Variants in KLF8 observed in about 807,000 individuals in gnomAD.
The protein encoded by KLF8 is Krueppel-like factor 8.
A neutral mutation model predicts 18.2 loss-of-function variants in KLF8; 10 were observed. The ratio of observed to expected loss-of-function variants is 0.55; its 90% CI spans 0.34 to 0.93. The LOEUF (loss-of-function observed/expected upper bound fraction) is 0.93. KLF8 is among the 40% of genes least tolerant of loss of function. The probability of loss-of-function intolerance (pLI) is 0.02; values close to 1 mark genes in which losing one functional copy is unlikely to be tolerated. For missense variants in KLF8, 264 were observed against 277.9 expected, an observed-to-expected ratio of 0.95 and a Z score of 0.36; for synonymous variants, 109 against 97.3, an observed-to-expected ratio of 1.12 and a Z score of -0.71.
chrX:56,194,678 C>T, the KLF8 span, among the ~76,000 whole-genome samples: 1 of 112,386 alleles, frequency 8.9e-6, no homozygotes, highest in Admixed American at 9.4e-5. Flanking sequence ...CTTAAATGGC[C>T]CTGTCTGGCA....
At chrX:56,173,579 C>T in the KLF8 span, among the ~76,000 whole-genome samples, 7 of 111,805 alleles carry the variant, frequency 6.3e-5, no homozygotes, top group Non-Finnish European at 9.4e-5. Context: ...CTAGGCAATG[C>T]GGGCTCTTTT....
At chrX:56,265,836 T>G in intron 3 of KLF8, 92 bp downstream of exon 3, 1 of 1,106,290 alleles carries the variant, frequency 9.0e-7, no homozygotes, top group South Asian at 2.3e-5. Context: ...TTCCTCCAAT[T>G]ATTCTTGCAC....
chrX:56,068,894 C>T, the KLF8 span, among the ~76,000 whole-genome samples: 100 of 112,465 alleles, frequency 8.9e-4, no homozygotes, highest in Non-Finnish European at 1.5e-3. Context: ...AGCTTATAGG[C>T]CAGCAGCCCT....
At chrX:56,241,129 C>T (rs1025089917) in intron 1 of KLF8, among the ~76,000 whole-genome samples, 1 of 111,787 alleles carries the variant, frequency 8.9e-6, no homozygotes, top group South Asian at 3.8e-4. Context: ...TGAGAGTAGG[C>T]GCATGGGGTT....
the KLF8 span, among the ~76,000 whole-genome samples, chrX:56,224,606 G>A: frequency 9.4e-4 from 104 of 111,029 alleles, 1 homozygote; most frequent in African/African-American, 3.0e-3. Context: ...CATGTGTGTC[G>A]GTCTAATAAA....
intron 1 of KLF8, among the ~76,000 whole-genome samples, chrX:56,248,023 C>T (rs1044870317): frequency 2.7e-5 from 3 of 111,234 alleles, no homozygotes; most frequent in Admixed American, 9.6e-5. Flanking sequence ...ATGCTTTGCA[C>T]TGTGACATTA....
At chrX:56,005,848 G>A in the KLF8 span, among the ~76,000 whole-genome samples, 1 of 111,319 alleles carries the variant, frequency 9.0e-6, no homozygotes, top group African/African-American at 3.3e-5. Flanking sequence ...GTGTGTGGTG[G>A]TGGAGGACAC....
chrX:56,048,874 A>G, the KLF8 span, among the ~76,000 whole-genome samples: 2 of 111,727 alleles, frequency 1.8e-5, no homozygotes, highest in African/African-American at 6.5e-5. Flanking sequence ...GGCCGTTTTC[A>G]TGATATTGAT....
the KLF8 span, among the ~76,000 whole-genome samples, chrX:56,078,695 T>C: frequency 8.9e-6 from 1 of 112,013 alleles, no homozygotes; most frequent in Admixed American, 9.5e-5. Flanking sequence ...TTCTATTGAC[T>C]GGAATGATTT....
the KLF8 span, among the ~76,000 whole-genome samples, chrX:56,006,382 A>C: frequency 9.0e-6 from 1 of 111,571 alleles, no homozygotes; most frequent in African/African-American, 3.3e-5. Context: ...AGCTCTGTAC[A>C]TGGTTTCTAT....
At chrX:55,982,208 AG>A in the KLF8 span, among the ~76,000 whole-genome samples, 1 of 111,906 alleles carries the variant, frequency 8.9e-6, no homozygotes, top group Admixed American at 9.5e-5. Flanking sequence ...CAAGTTAAGC[AG>A]GGCAGGAGAG....
the KLF8 span, among the ~76,000 whole-genome samples, chrX:55,964,208 C>A: frequency 8.1e-5 from 9 of 110,894 alleles, no homozygotes; most frequent in African/African-American, 3.0e-4. Context: ...CCTAGAGGAA[C>A]TAGAGAAAAA....
the KLF8 span, among the ~76,000 whole-genome samples, chrX:55,947,608 G>T: frequency 9.4e-6 from 1 of 106,529 alleles, no homozygotes; most frequent in South Asian, 4.0e-4. Flanking sequence ...TGCACATTGT[G>T]CACATGTACC....
chrX:56,061,435 CA>C, the KLF8 span, among the ~76,000 whole-genome samples: 164 of 111,643 alleles, frequency 1.5e-3, 2 homozygotes, highest in African/African-American at 4.6e-3. Flanking sequence ...AGCAGTCATT[CA>C]GGAGCAGGTT....
At position 56,243,176 on chromosome X, in the gene KLF8, G is replaced by A. The variant is rs145884695; in HGVS notation, c.8-7055G>A. On this transcript the variant is annotated intron_variant, in intron 1 of 5. Transcript: ENST00000468660. ...CGACACAGTGGTCAGCGGAAACTTG[G>A]TGATAGCATAGTAGTCAAGCTTGTT... The A allele has an allele frequency of 0.014, 6,996 of 508,697 alleles. 381 individuals are homozygous for A. In the Admixed American group the frequency reaches 0.14, roughly 10 times the overall value. The allele number at this position is 508,697 out of a possible 1,213,427, so 41.9% of individuals were successfully genotyped here.
the KLF8 span, among the ~76,000 whole-genome samples, chrX:56,047,148 T>C: frequency 4.5e-5 from 5 of 111,037 alleles, no homozygotes; most frequent in African/African-American, 1.6e-4. Context: ...TATTTGACTC[T>C]ATTGCTGAGA....
At chrX:56,262,840 C>T (rs948844246) in intron 2 of KLF8, among the ~76,000 whole-genome samples, 9 of 110,553 alleles carry the variant, frequency 8.1e-5, no homozygotes, top group Admixed American at 3.9e-4. Flanking sequence ...CCAGGCTGGT[C>T]TCGAACTCCT....
chrX:56,111,302 T>C, the KLF8 span, among the ~76,000 whole-genome samples: 1 of 112,146 alleles, frequency 8.9e-6, no homozygotes, highest in Non-Finnish European at 1.9e-5. Context: ...TTGATTATAA[T>C]GTATCTAGTT....
the KLF8 span, among the ~76,000 whole-genome samples, chrX:56,093,173 C>A: frequency 6.7e-4 from 74 of 110,981 alleles, no homozygotes; most frequent in South Asian, 3.0e-3. Flanking sequence ...TAATAATAAA[C>A]AACAAACCAG....
Sources: allele counts gnomAD v4.1 joint callset (sites outside exome capture counted in the v4.1 genomes callset), GRCh38; gene constraint gnomAD v4.1.1; transcripts MANE v1.5; gene names NCBI Gene and HGNC (gene_info 2026-07-23, HGNC 2026-07-21).